The following SVOPL variants were observed in gnomAD, a reference collection of about 807,000 sequenced individuals.
The protein encoded by SVOPL is putative transporter SVOPL.
Under a neutral mutation model 61.0 loss-of-function variants are expected in SVOPL, and 60 were observed. The ratio of observed to expected loss-of-function variants is 0.98; its 90% CI spans 0.80 to 1.22. The LOEUF is 1.22. SVOPL is among the 50% of genes most tolerant of loss of function. SVOPL has a pLI of 0.00. For synonymous variants in SVOPL, 279 were observed against 250.0 expected (o/e 1.12, Z -1.09); for missense variants, 662 against 643.9 (o/e 1.03, Z -0.30).
At chr7:138,662,489 A>T in intron 5 of SVOPL, 1 of 985,572 alleles carries the variant, frequency 1.0e-6, no homozygotes. Flanking sequence ...ATAGTCCTGA[A>T]AGAACAGCTT....
At chr7:138,701,056 T>C (rs1290701920) in intron 1 of SVOPL, 122 bp downstream of exon 1, 1 of 152,212 alleles carries the variant, frequency 6.6e-6, no homozygotes, top group Non-Finnish European at 1.5e-5. Flanking sequence ...TTTTGCAATA[T>C]CCAAGGAAAT....
chr7:138,699,613 A>G (rs188561964), intron 1 of SVOPL, among the ~76,000 whole-genome samples: 2 of 152,222 alleles, frequency 1.3e-5, no homozygotes, highest in African/African-American at 4.8e-5. Flanking sequence ...GGCACGACAA[A>G]ATGGATACTT....
chr7:138,661,519 A>G (rs559190242), intron 5 of SVOPL: 3 of 985,162 alleles, frequency 3.0e-6, no homozygotes, highest in South Asian at 4.7e-5. Flanking sequence ...ATTGTATTTC[A>G]TTTTGTTTTT....
chr7:138,626,164 C>A (rs1409142558), intron 12 of SVOPL, 114 bp from the exon 13 acceptor site: 5 of 1,024,836 alleles, frequency 4.9e-6, no homozygotes, highest in Admixed American at 2.2e-5. Flanking sequence ...TAACTCAGAA[C>A]CCGAGGGAGG....
rs546178027 is a variant in SVOPL at position 138,620,277 on chromosome 7, T to C, written c.1353+769A>G. On this transcript the variant is annotated intron_variant, in intron 14 of 15. Transcript: ENST00000674285. Reference sequence around the variant, plus strand: ...CTGGGACTACAGGAGAGCACCACCATGCCCAGCTCATTTTTGTATTTTTAG... The same window carrying C: ...CTGGGACTACAGGAGAGCACCACCACGCCCAGCTCATTTTTGTATTTTTAG... 1.1e-4 allele frequency among the ~76,000 whole-genome samples: 17 copies of C among 150,904 alleles called. No individual in the cohort carries two copies. The South Asian group carries it at 1.5e-3, about 13-fold the overall frequency.
At chr7:138,622,248 A>G (rs1181936922) in intron 13 of SVOPL, among the ~76,000 whole-genome samples, 1 of 115,672 alleles carries the variant, frequency 8.6e-6, no homozygotes, top group African/African-American at 3.3e-5. Flanking sequence ...CTATCTATCT[A>G]TCTATGTATC....
At position 138,656,504 on chromosome 7, in the gene SVOPL, T is replaced by C; in HGVS notation, c.478A>G (p.Ile160Val). ...TTCGTGGGCAAAAATTCAGTCTTTA[T>C]GATTAACCTAAACAGGAAGCAGGAA... ...GVSGHSQGLI[I>V]KTEFLPTKYR... Residue 160 changes from isoleucine (I) to valine (V), a missense_variant, in exon 7 of 16, where the codon ATA becomes GTA. Coordinates refer to ENST00000674285, the MANE Select transcript of SVOPL (RefSeq NM_001139456.2). 1.2e-6 allele frequency: 2 copies of C among 1,614,048 alleles called. No homozygotes were observed. Among genetic ancestry groups the C allele is most frequent in the Non-Finnish European group, 1.7e-6 (2 of 1,179,996 alleles).
At position 138,664,387 on chromosome 7, in the gene SVOPL, C is replaced by T. The variant is rs1481842701; in HGVS notation, c.274-1242G>A. Among the ~76,000 whole-genome samples the T allele has an allele frequency of 3.3e-5, 5 of 149,340 alleles. No individual in the cohort carries two copies. In the East Asian group the frequency reaches 8.1e-4, roughly 24 times the overall value. ...CCCTCCAACGCCCCTAATCCTCCATCGGGCACGCCTCTGACCCATTGGGCG... is the reference window on the plus strand; with the variant it reads ...CCCTCCAACGCCCCTAATCCTCCATTGGGCACGCCTCTGACCCATTGGGCG... On this transcript the variant is annotated intron_variant, in intron 4 of 15. Transcript: ENST00000674285.
At chr7:138,658,431 T>C (rs1414663673) in intron 6 of SVOPL, among the ~76,000 whole-genome samples, 1 of 151,668 alleles carries the variant, frequency 6.6e-6, no homozygotes, top group Non-Finnish European at 1.5e-5. Flanking sequence ...TTGGATTGAC[T>C]TCAAAAATTT....
chr7:138,631,158 A>G (rs1281252051), intron 9 of SVOPL, among the ~76,000 whole-genome samples: 1 of 152,140 alleles, frequency 6.6e-6, no homozygotes, highest in Admixed American at 6.6e-5. Context: ...AGAAAGCTAG[A>G]GTTTGAAGGG....
chr7:138,621,019 C>T, intron 14 of SVOPL, 27 bp downstream of exon 14: 1 of 1,605,984 alleles, frequency 6.2e-7, no homozygotes, highest in Non-Finnish European at 8.5e-7. Context: ...CAGACTCTCT[C>T]TCTCCCTGCA....
rs200673028 is a variant in SVOPL, at chr7:138,596,502, G to A, written c.1382C>T (p.Ala461Val). ...QVLMSASILG[A>V]LCLFSSVCVV... ...ACAGACAGATGAGAAGAGACACAGGGCCCCCAGTATTGATGCACTCATAAG... is the reference window on the plus strand; with the variant it reads ...ACAGACAGATGAGAAGAGACACAGGACCCCCAGTATTGATGCACTCATAAG... The change falls in exon 15 of 16, where the codon GCC becomes GTC. Residue 461 changes from alanine (A) to valine (V), a missense_variant. Physicochemically the swap from Ala to Val is moderately conservative, Grantham distance 64 (BLOSUM62 0). Transcript: ENST00000674285. 1 of 1,613,760 alleles carries A rather than the reference G, an allele frequency of 6.2e-7. No individual in the cohort carries two copies. Among genetic ancestry groups the A allele is most frequent in the East Asian group, 2.2e-5 (1 of 44,850 alleles).
At chr7:138,699,795 C>T (rs902167721) in intron 1 of SVOPL, among the ~76,000 whole-genome samples, 5 of 152,144 alleles carry the variant, frequency 3.3e-5, no homozygotes, top group African/African-American at 9.7e-5. Flanking sequence ...CAGCCCTCGC[C>T]CCGCCACCGG....
intron 12 of SVOPL, among the ~76,000 whole-genome samples, chr7:138,626,891 TG>T (rs1328005640): frequency 6.6e-6 from 1 of 151,616 alleles, no homozygotes; most frequent in Non-Finnish European, 1.5e-5. Context: ...TACCATCCCC[TG>T]GAAAATAGTG....
intron 1 of SVOPL, among the ~76,000 whole-genome samples, chr7:138,695,012 T>C (rs1803036179): frequency 6.6e-6 from 1 of 152,194 alleles, no homozygotes. Flanking sequence ...GTGCTGGGAT[T>C]ACAGGCATGA....
rs147121265 is a variant in SVOPL, at chr7:138,633,504, G to C, written c.790-3382C>G. Among the ~76,000 whole-genome samples the C allele has an allele frequency of 4.6e-3, 698 of 152,218 alleles. 12 individuals are homozygous for C. The highest frequency in any genetic ancestry group is 0.016 in the African/African-American group (662 of 41,536). On this transcript the variant is annotated intron_variant, in intron 9 of 15. Transcript: ENST00000674285. ...CTGTTCACTTTCTGTCATGAGTAGA[G>C]GCTTCCTGAGGCCTCACCAGAAGCC...
At chr7:138,614,833 G>C (rs1172249441) in intron 14 of SVOPL, among the ~76,000 whole-genome samples, 1 of 152,166 alleles carries the variant, frequency 6.6e-6, no homozygotes, top group Non-Finnish European at 1.5e-5. Flanking sequence ...TCACAAATGG[G>C]CTTTTCCACT....
intron 9 of SVOPL, among the ~76,000 whole-genome samples, chr7:138,642,813 G>A (rs1304680364): frequency 1.5e-5 from 2 of 129,154 alleles, no homozygotes; most frequent in African/African-American, 3.4e-5. Context: ...CTGGACGATA[G>A]AGCGAGACTC....
chr7:138,627,685 C>T lies in SVOPL; in HGVS notation c.1070-224G>A, dbSNP rs1799954600. On this transcript the variant is annotated intron_variant, in intron 11 of 15. Coordinates refer to ENST00000674285, the MANE Select transcript of SVOPL (RefSeq NM_001139456.2). ...ATGATAAGCACTGGTGCCCAGAATACTTATTATATCATACAGGTCTATTGT... is the reference window on the plus strand; with the variant it reads ...ATGATAAGCACTGGTGCCCAGAATATTTATTATATCATACAGGTCTATTGT... 3.3e-5 allele frequency among the ~76,000 whole-genome samples: 5 copies of T among 152,116 alleles called. No homozygotes were observed. In the South Asian group the frequency reaches 1.0e-3, roughly 31 times the overall value.
Sources: allele counts gnomAD v4.1 joint callset (sites outside exome capture counted in the v4.1 genomes callset), GRCh38; gene constraint gnomAD v4.1.1; transcripts MANE v1.5; gene names NCBI Gene and HGNC (gene_info 2026-07-23, HGNC 2026-07-21).